The following OPCML variants were observed in gnomAD, a reference collection of about 807,000 sequenced individuals.
OPCML encodes the protein opioid binding protein/cell adhesion molecule like, also known as opioid-binding protein/cell adhesion molecule.
A neutral mutation model predicts 37.8 loss-of-function variants in OPCML; 13 were observed. The observed-to-expected ratio is 0.34, with a 90% CI of 0.22 to 0.55. The LOEUF is 0.55. Among genes scored for constraint, OPCML ranks in the 20% least tolerant of loss-of-function variants. The pLI, the probability that OPCML is intolerant of heterozygous loss-of-function variation, is 0.91. For missense variants in OPCML, 341 were observed against 435.6 expected (o/e 0.78, Z 1.93); for synonymous variants, 176 against 168.8 (o/e 1.04, Z -0.33).
chr11:133,425,285 G>A lies in OPCML; in HGVS notation c.61+106979C>T, dbSNP rs117998094. Among the ~76,000 whole-genome samples, 4 of 152,250 alleles carry A rather than the reference G, an allele frequency of 2.6e-5. No homozygotes were observed. The East Asian group carries it at 7.7e-4, about 29-fold the overall frequency. On this transcript the variant is annotated intron_variant, in intron 1 of 7. Coordinates refer to ENST00000524381, the MANE Select transcript of OPCML (RefSeq NM_001012393.5). The stretch of plus-strand genomic sequence containing the variant: ...CTCATCTTTATCCTTCCTTTTCAAA[G>A]ACAGTGCTAAAAAGGCAGTGGTCTT...
chr11:132,600,563 A>G (rs1266157321), intron 3 of OPCML, among the ~76,000 whole-genome samples: 1 of 152,202 alleles, frequency 6.6e-6, no homozygotes, highest in African/African-American at 2.4e-5. Context: ...AGAAAAGTAC[A>G]TTTTCAACTC....
At chr11:132,491,637 T>G (rs192759943) in intron 4 of OPCML, among the ~76,000 whole-genome samples, 2 of 152,370 alleles carry the variant, frequency 1.3e-5, no homozygotes, top group East Asian at 3.9e-4. Flanking sequence ...GAAACTATAT[T>G]ACATATTTAA....
At chr11:132,757,579 T>G (rs36189907) in intron 2 of OPCML, among the ~76,000 whole-genome samples, 1,609 of 152,318 alleles carry the variant, frequency 0.011, 14 homozygotes, top group Middle Eastern at 0.031. Flanking sequence ...TCATATGTTT[T>G]TTAGCCGCAT....
rs766782952 is a variant in OPCML, at chr11:133,173,285, A to G, written c.62-230275T>C. Among the ~76,000 whole-genome samples, 15 of 152,244 alleles carry G rather than the reference A, an allele frequency of 9.9e-5. No homozygotes were observed. The highest frequency in any genetic ancestry group is 1.9e-4 in the Non-Finnish European group (13 of 68,038). The stretch of plus-strand genomic sequence containing the variant: ...TGTTATCATTAACATTGTTACAGCT[A>G]TAATAACATGATTATTTAATATGTT... On this transcript the variant is annotated intron_variant, in intron 1 of 7. Transcript: ENST00000524381. This position sits in a 1 kb window ranked among gnomAD's most constrained non-coding sequence, Gnocchi z 7.8.
At chr11:132,437,396 A>T (rs781433261) in intron 4 of OPCML, 37 bp from the exon 5 acceptor site, 1 of 1,609,340 alleles carries the variant, frequency 6.2e-7, no homozygotes, top group Admixed American at 1.7e-5. Flanking sequence ...CAATCAGGAA[A>T]CTGTGTAACC....
At chr11:133,458,157 T>TAC (rs1404402485) in intron 1 of OPCML, among the ~76,000 whole-genome samples, 1 of 149,482 alleles carries the variant, frequency 6.7e-6, no homozygotes, top group African/African-American at 2.5e-5. Context: ...AGAAAAAATA[T>TAC]ATATATACAT....
intron 2 of OPCML, among the ~76,000 whole-genome samples, chr11:132,932,870 T>C (rs568166171): frequency 1.3e-5 from 2 of 152,172 alleles, no homozygotes; most frequent in Admixed American, 1.3e-4. Flanking sequence ...TCCTTATTTT[T>C]TTTTAATCAG....
intron 1 of OPCML, chr11:133,008,457 A>T: frequency 1.0e-6 from 1 of 979,888 alleles, no homozygotes; most frequent in East Asian, 1.1e-4. Flanking sequence ...AGATGCCATG[A>T]TGCAGTCCCC....
At chr11:133,290,705 C>A (rs1942451202) in intron 1 of OPCML, among the ~76,000 whole-genome samples, 1 of 152,230 alleles carries the variant, frequency 6.6e-6, no homozygotes, top group Non-Finnish European at 1.5e-5. Flanking sequence ...GCCCAGGAGC[C>A]CATTCCATGG....
At chr11:132,831,049 G>T (rs10894616) in intron 2 of OPCML, among the ~76,000 whole-genome samples, 31,138 of 151,310 alleles carry the variant, frequency 0.21, 4,103 homozygotes, top group Non-Finnish European at 0.31. Context: ...CTGAGCTACC[G>T]TCATACACTC....
intron 3 of OPCML, among the ~76,000 whole-genome samples, chr11:132,634,242 G>C (rs1444293144): frequency 6.6e-6 from 1 of 152,164 alleles, no homozygotes; most frequent in Non-Finnish European, 1.5e-5. Context: ...TTCTTTAGAG[G>C]AAAGTGGCTT....
At chr11:133,170,200 G>T (rs1342658671) in intron 1 of OPCML, among the ~76,000 whole-genome samples, 1 of 152,194 alleles carries the variant, frequency 6.6e-6, no homozygotes, top group African/African-American at 2.4e-5. Context: ...CAGGCAACTG[G>T]GCACGGTGGC....
intron 3 of OPCML, among the ~76,000 whole-genome samples, chr11:132,633,243 C>T (rs182132069): frequency 8.5e-5 from 13 of 152,204 alleles, no homozygotes; most frequent in African/African-American, 3.1e-4. Flanking sequence ...CGCTCTGTCG[C>T]CCAAGCTGGA....
intron 1 of OPCML, among the ~76,000 whole-genome samples, chr11:133,077,910 T>C (rs1191069950): frequency 2.0e-5 from 3 of 152,106 alleles, no homozygotes. Context: ...CATAATTTGC[T>C]GGGAAAAACT....
rs114047431 is a variant in OPCML, at chr11:133,117,572, G to C, written c.62-174562C>G. 3.3e-3 allele frequency among the ~76,000 whole-genome samples: 503 copies of C among 152,182 alleles called. 1 individual carries two copies. The highest frequency in any genetic ancestry group is 0.012 in the African/African-American group (480 of 41,496). ...GACATAGGTAGTTTTTCGATGTTAT[G>C]CTCATATGAGAAGTATTTACCTAGC... On this transcript the variant is annotated intron_variant, in intron 1 of 7. Coordinates refer to ENST00000524381, the MANE Select transcript of OPCML (RefSeq NM_001012393.5).
chr11:132,975,220 T>C (rs921446469), intron 1 of OPCML, among the ~76,000 whole-genome samples: 1 of 151,810 alleles, frequency 6.6e-6, no homozygotes, highest in East Asian at 1.9e-4. Flanking sequence ...AAATATAATG[T>C]AATGATAGGA....
At chr11:132,823,713 G>A (rs1940130734) in intron 2 of OPCML, among the ~76,000 whole-genome samples, 1 of 151,918 alleles carries the variant, frequency 6.6e-6, no homozygotes, top group Non-Finnish European at 1.5e-5. Flanking sequence ...TATATGCTTT[G>A]TCTCCACTTA....
chr11:133,209,421 G>C (rs867969002), intron 1 of OPCML, among the ~76,000 whole-genome samples: 1 of 152,100 alleles, frequency 6.6e-6, no homozygotes. Flanking sequence ...AATTAAGTTC[G>C]AAAATAGAAA....
At chr11:133,517,649 G>A (rs987197061) in intron 1 of OPCML, among the ~76,000 whole-genome samples, 3 of 152,224 alleles carry the variant, frequency 2.0e-5, no homozygotes, top group African/African-American at 7.2e-5. Flanking sequence ...AAACTAATTG[G>A]AGCCAGGCTG....
Sources: gnomAD v4.1 joint callset for allele counts (sites outside exome capture counted in the v4.1 genomes callset) on GRCh38, gnomAD v4.1.1 for gene constraint, Gnocchi (gnomAD v3.1) non-coding constraint, MANE v1.5 for transcripts, NCBI Gene and HGNC (gene_info 2026-07-23, HGNC 2026-07-21) for gene names.